The following ADCYAP1R1 variants were observed in gnomAD, a reference collection of about 807,000 sequenced individuals.
ADCYAP1R1 encodes the protein ADCYAP receptor type I.
In ADCYAP1R1, 44 loss-of-function variants were observed where a neutral mutation model predicts 67.6. That is an observed-to-expected ratio of 0.65 (90% confidence interval 0.51 to 0.84). ADCYAP1R1 has a LOEUF of 0.84. Among genes scored for constraint, ADCYAP1R1 ranks in the 40% least tolerant of loss-of-function variants. The pLI, the probability that ADCYAP1R1 is intolerant of heterozygous loss-of-function variation, is 0.00. For synonymous variants in ADCYAP1R1, 222 were observed against 219.6 expected (o/e 1.01, Z -0.10); for missense variants, 477 against 587.9 (o/e 0.81, Z 1.95).
Position 31,082,043 on chromosome 7 carries a change from C to A in ADCYAP1R1, c.328+289C>A, listed in dbSNP as rs186125469. 1.8e-3 allele frequency among the ~76,000 whole-genome samples: 268 copies of A among 152,320 alleles called. 5 individuals are homozygous for A. The highest frequency in any genetic ancestry group is 3.1e-4 in the Non-Finnish European group (21 of 68,024). ...GATGATCCTTGACTGTTTCTGAACTCCAGCATCTAGAACAGTAGCTCTCAA... is the reference window on the plus strand; with the variant it reads ...GATGATCCTTGACTGTTTCTGAACTACAGCATCTAGAACAGTAGCTCTCAA... On this transcript the variant is annotated intron_variant, in intron 6 of 15. Transcript: ENST00000304166.
chr7:31,059,854 G>A (rs1385214595), intron 1 of ADCYAP1R1, among the ~76,000 whole-genome samples: 2 of 151,840 alleles, frequency 1.3e-5, no homozygotes, highest in Non-Finnish European at 1.5e-5. Context: ...GGTCCCCAGC[G>A]GAGTCGAGGC....
intron 13 of ADCYAP1R1, among the ~76,000 whole-genome samples, chr7:31,094,200 A>G (rs1157431818): frequency 6.6e-6 from 1 of 152,142 alleles, no homozygotes; most frequent in Non-Finnish European, 1.5e-5. Context: ...ATATGTGTAT[A>G]TTATGTAGTA....
intron 2 of ADCYAP1R1, among the ~76,000 whole-genome samples, chr7:31,063,538 T>C (rs1794601685): frequency 7.5e-6 from 1 of 133,010 alleles, no homozygotes; most frequent in East Asian, 1.9e-4. Flanking sequence ...AATTTACAAA[T>C]CTTTATGATG....
chr7:31,080,732 T>TG, intron 5 of ADCYAP1R1, 99 bp downstream of exon 5: 1 of 1,312,582 alleles, frequency 7.6e-7, no homozygotes, highest in Middle Eastern at 2.3e-4. Context: ...GGGATTGGGG[T>TG]GGGGGTGGAG....
chr7:31,084,339 G>A (rs1047774965), intron 7 of ADCYAP1R1, 89 bp downstream of exon 7: 12 of 1,038,194 alleles, frequency 1.2e-5, no homozygotes, highest in Non-Finnish European at 1.8e-5. Flanking sequence ...GCACCTGCTG[G>A]GGCTGAGAAG....
At chr7:31,100,409 G>C (rs1038143286) in intron 13 of ADCYAP1R1, among the ~76,000 whole-genome samples, 4 of 151,948 alleles carry the variant, frequency 2.6e-5, no homozygotes, top group African/African-American at 9.7e-5. Flanking sequence ...TGGGCAGGGT[G>C]TGGGGATGGA....
intron 3 of ADCYAP1R1, 74 bp from the exon 4 acceptor site, chr7:31,077,917 T>C: frequency 1.1e-6 from 1 of 935,014 alleles, no homozygotes. Flanking sequence ...TGTTGGTGTG[T>C]GTGATGTGTG....
chr7:31,104,015 T>G (rs1325040714), intron 14 of ADCYAP1R1, among the ~76,000 whole-genome samples: 1 of 152,212 alleles, frequency 6.6e-6, no homozygotes, highest in Non-Finnish European at 1.5e-5. Flanking sequence ...GAATTAGTAT[T>G]TGATCTTGAT....
intron 12 of ADCYAP1R1, among the ~76,000 whole-genome samples, chr7:31,091,659 C>G (rs1271515570): frequency 6.6e-6 from 1 of 152,116 alleles, no homozygotes; most frequent in Non-Finnish European, 1.5e-5. Context: ...GCATCATTTA[C>G]TGAATAGGGA....
Position 31,106,816 on chromosome 7 carries a change from G to A in ADCYAP1R1, c.*132G>A, listed in dbSNP as rs1006555559. 8 of 1,114,260 alleles carry A rather than the reference G, an allele frequency of 7.2e-6. No homozygotes were observed. The highest frequency in any genetic ancestry group is 3.0e-5 in the Admixed American group (1 of 33,788). 69.0% of individuals were successfully genotyped at this position (1,114,260 alleles called of 1,614,324 possible). A position where few individuals can be genotyped will look rare whatever the true frequency, so the allele number is the denominator to read the frequency against. ...GCTGGAAGCTTGGCTCCTGAGGGGG[G>A]AGAAGGAGGCAGGGCACAGACTGGA... On this transcript the variant is annotated 3_prime_UTR_variant, in exon 16 of 16. Transcript: ENST00000304166.
rs941268752 is a variant in ADCYAP1R1 at position 31,102,260 on chromosome 7, G to A, written c.1047-977G>A. On this transcript the variant is annotated intron_variant, in intron 13 of 15. Transcript: ENST00000304166. This position sits in a 1 kb window ranked among gnomAD's most constrained non-coding sequence, Gnocchi z 4.3. ...GGGAGGCTGATCCTCTGGAGGAGAT[G>A]GGCCAGGTGCAGCCTGGGGGCAGGC... Among the ~76,000 whole-genome samples, 5 of 152,252 alleles carry A rather than the reference G, an allele frequency of 3.3e-5. No homozygotes were observed. Among genetic ancestry groups the A allele is most frequent in the Non-Finnish European group, 5.9e-5 (4 of 68,042 alleles).
chr7:31,078,987 G>A (rs1795400953), intron 4 of ADCYAP1R1, among the ~76,000 whole-genome samples: 1 of 152,184 alleles, frequency 6.6e-6, no homozygotes, highest in Admixed American at 6.5e-5. Context: ...AGATATCCAG[G>A]GGCCACCAAA....
chr7:31,079,449 T>G (rs952043602), intron 4 of ADCYAP1R1, among the ~76,000 whole-genome samples: 5 of 152,192 alleles, frequency 3.3e-5, no homozygotes, highest in African/African-American at 9.6e-5. Context: ...GGCCTTAGCG[T>G]TCTTCTTTTC....
chr7:31,087,040 A>G (rs370300010), intron 11 of ADCYAP1R1, 37 bp downstream of exon 11: 2 of 1,611,898 alleles, frequency 1.2e-6, no homozygotes, highest in African/African-American at 2.7e-5. Context: ...CACAGCACAG[A>G]GTAGATTCTT....
At chr7:31,066,448 G>A (rs1794743236) in intron 3 of ADCYAP1R1, among the ~76,000 whole-genome samples, 1 of 152,176 alleles carries the variant, frequency 6.6e-6, no homozygotes, top group Admixed American at 6.5e-5. Flanking sequence ...GGATGTCGTG[G>A]CAGAGAAGGG....
intron 1 of ADCYAP1R1, among the ~76,000 whole-genome samples, chr7:31,058,350 A>G (rs1003198346): frequency 1.3e-5 from 2 of 152,124 alleles, no homozygotes; most frequent in Non-Finnish European, 2.9e-5. Flanking sequence ...TGCAGGGGCC[A>G]CCACTTCCTG....
At chr7:31,101,920 A>C (rs7457988) in intron 13 of ADCYAP1R1, among the ~76,000 whole-genome samples, 15,503 of 152,176 alleles carry the variant, frequency 0.1, 1,181 homozygotes, top group African/African-American at 0.22. Context: ...AAGGGTGGAC[A>C]CCCACACTCA....
chr7:31,093,943 C>T (rs1029603038), intron 13 of ADCYAP1R1, among the ~76,000 whole-genome samples: 1 of 151,986 alleles, frequency 6.6e-6, no homozygotes, highest in African/African-American at 2.4e-5. Context: ...AGATCCTTCC[C>T]TAAGGCTCCC....
rs1159297409 is a variant in ADCYAP1R1, at chr7:31,086,563, A to G, written c.823+26A>G. 2 of 1,613,658 alleles carry G rather than the reference A, an allele frequency of 1.2e-6. No homozygotes were observed. Among genetic ancestry groups the G allele is most frequent in the East Asian group, 2.2e-5 (1 of 44,902 alleles). On this transcript the variant is annotated intron_variant, in intron 10 of 15. Coordinates refer to ENST00000304166, the MANE Select transcript of ADCYAP1R1 (RefSeq NM_001118.5). This position sits in a 1 kb window ranked among gnomAD's most constrained non-coding sequence, Gnocchi z 5.0. ...GTAGGTTCCTGGCTGTGGCTTGGACAGGTTCAGGTCCCGTGGTCAGGTGTG... is the reference window on the plus strand; with the variant it reads ...GTAGGTTCCTGGCTGTGGCTTGGACGGGTTCAGGTCCCGTGGTCAGGTGTG...
Sources: gnomAD v4.1 joint callset for allele counts (sites outside exome capture counted in the v4.1 genomes callset) on GRCh38, gnomAD v4.1.1 for gene constraint, Gnocchi (gnomAD v3.1) non-coding constraint, MANE v1.5 for transcripts, NCBI Gene and HGNC (gene_info 2026-07-23, HGNC 2026-07-21) for gene names.